The following ITGA8 variants were observed in gnomAD, a reference collection of about 807,000 sequenced individuals.
ITGA8 encodes integrin subunit alpha 8.
A neutral mutation model predicts 142.3 loss-of-function variants in ITGA8; 91 were observed. The ratio of observed to expected loss-of-function variants is 0.64; its 90% CI spans 0.54 to 0.76. The LOEUF is 0.76. ITGA8 is among the 30% of genes least tolerant of loss of function. The pLI, the probability that ITGA8 is intolerant of heterozygous loss-of-function variation, is 0.00. For synonymous variants in ITGA8, 505 were observed against 485.2 expected, an observed-to-expected ratio of 1.04 and a Z score of -0.54; for missense variants, 1,406 against 1,327.7, an observed-to-expected ratio of 1.06 and a Z score of -0.92.
At chr10:15,564,250 A>AAAAAT (rs1263561382) in intron 25 of ITGA8, among the ~76,000 whole-genome samples, 1 of 152,230 alleles carries the variant, frequency 6.6e-6, no homozygotes, top group Non-Finnish European at 1.5e-5. Context: ...GAAATTATTT[A>AAAAAT]AAAACAAAAC....
intron 25 of ITGA8, among the ~76,000 whole-genome samples, chr10:15,567,165 A>AG (rs1452050382): frequency 1.3e-4 from 19 of 150,070 alleles, no homozygotes; most frequent in Non-Finnish European, 2.1e-4. Flanking sequence ...AAAAAAAAAA[A>AG]GAAGAAAAAA....
chr10:15,603,816 A>G (rs1833145770), intron 20 of ITGA8, among the ~76,000 whole-genome samples: 1 of 152,160 alleles, frequency 6.6e-6, no homozygotes, highest in Admixed American at 6.5e-5. Flanking sequence ...TCCCTAACCA[A>G]TAACGAAAAC....
intron 4 of ITGA8, among the ~76,000 whole-genome samples, 155 bp from the exon 5 acceptor site, chr10:15,678,938 T>A (rs565567793): frequency 4.3e-4 from 65 of 152,370 alleles, no homozygotes; most frequent in African/African-American, 1.5e-3. Flanking sequence ...GTTGTTCAAG[T>A]AATTTATTAA....
At chr10:15,588,416 G>A (rs1832869168) in intron 22 of ITGA8, among the ~76,000 whole-genome samples, 2 of 152,168 alleles carry the variant, frequency 1.3e-5, no homozygotes. Flanking sequence ...CAGTTTCCAG[G>A]CCATTTTATT....
At position 15,573,140 on chromosome 10, in the gene ITGA8, A is replaced by G. The variant is rs1834217974; in HGVS notation, c.2479-771T>C. On this transcript the variant is annotated intron_variant, in intron 24 of 29. Coordinates refer to ENST00000378076, the MANE Select transcript of ITGA8 (RefSeq NM_003638.3). ...AAACAATGGATAATTGCTTTTGCTT[A>G]TTAGATGGCCTATTTAATTCACCTT... is the stretch of plus-strand genomic sequence containing the variant. Among the ~76,000 whole-genome samples the G allele has an allele frequency of 2.0e-5, 3 of 152,250 alleles. No homozygotes were observed. In the South Asian group the frequency reaches 6.2e-4, roughly 32 times the overall value.
chr10:15,641,612 TACCAA>T (rs1833873267), intron 13 of ITGA8, among the ~76,000 whole-genome samples: 1 of 152,130 alleles, frequency 6.6e-6, no homozygotes, highest in South Asian at 2.1e-4. Context: ...AACCCAGGTC[TACCAA>T]GATGCATGGA....
intron 8 of ITGA8, among the ~76,000 whole-genome samples, chr10:15,663,291 A>G (rs1195696013): frequency 6.6e-6 from 1 of 152,132 alleles, no homozygotes; most frequent in Non-Finnish European, 1.5e-5. Context: ...ATCCATTTTC[A>G]GATATTTTAT....
intron 27 of ITGA8, among the ~76,000 whole-genome samples, chr10:15,545,468 A>G (rs1311574899): frequency 6.6e-6 from 1 of 151,068 alleles, no homozygotes; most frequent in Non-Finnish European, 1.5e-5. Context: ...TGCTGAGTAA[A>G]CATAAATCAT....
Position 15,587,205 on chromosome 10 carries a change from G to A in ITGA8, c.2292-541C>T, listed in dbSNP as rs9333177. Among the ~76,000 whole-genome samples the A allele has an allele frequency of 6.5e-3, 992 of 152,286 alleles. 5 individuals are homozygous for A. The highest frequency in any genetic ancestry group is 0.021 in the African/African-American group (892 of 41,556). ...CAAAGTGCTGGGATTACAGGCGTGA[G>A]CCACCCCGCCCAGCCAAAACTAACA... On this transcript the variant is annotated intron_variant, in intron 22 of 29. Coordinates refer to ENST00000378076, the MANE Select transcript of ITGA8 (RefSeq NM_003638.3).
chr10:15,657,537 A>G (rs1834209418), intron 10 of ITGA8, among the ~76,000 whole-genome samples: 1 of 101,558 alleles, frequency 9.8e-6, no homozygotes, highest in South Asian at 3.5e-4. Flanking sequence ...TTTTTAACAG[A>G]GACAGTGGTC....
At chr10:15,539,039 T>C (rs1370657003) in intron 27 of ITGA8, among the ~76,000 whole-genome samples, 1 of 151,224 alleles carries the variant, frequency 6.6e-6, no homozygotes, top group Non-Finnish European at 1.5e-5. Flanking sequence ...CAAAGATCTA[T>C]GTGTAGCATT....
chr10:15,523,756 C>CAA (rs11388685), intron 28 of ITGA8, among the ~76,000 whole-genome samples: 5,528 of 117,012 alleles, frequency 0.047, 364 homozygotes, highest in African/African-American at 0.15. Flanking sequence ...CTAAAAATAC[C>CAA]AAAAAAAAAA....
chr10:15,706,402 T>C (rs1419932821), intron 2 of ITGA8, among the ~76,000 whole-genome samples: 1 of 152,128 alleles, frequency 6.6e-6, no homozygotes, highest in Non-Finnish European at 1.5e-5. Flanking sequence ...GCTTGCTTGC[T>C]TCTGCTCTTC....
At chr10:15,606,128 C>T (rs186407196) in intron 18 of ITGA8, among the ~76,000 whole-genome samples, 157 bp downstream of exon 18, 1 of 152,244 alleles carries the variant, frequency 6.6e-6, no homozygotes, top group East Asian at 1.9e-4. Context: ...CACAATCATG[C>T]AGTGTTTCAG....
chr10:15,606,784 G>A (rs1362311517), intron 17 of ITGA8, among the ~76,000 whole-genome samples: 4 of 152,224 alleles, frequency 2.6e-5, no homozygotes, highest in Admixed American at 1.3e-4. Flanking sequence ...TTTTATTTTC[G>A]TGAGGTTGCC....
intron 15 of ITGA8, among the ~76,000 whole-genome samples, chr10:15,610,722 G>A (rs764559284): frequency 8.5e-5 from 13 of 152,092 alleles, no homozygotes; most frequent in South Asian, 2.1e-4. Flanking sequence ...TGTGAAACAC[G>A]ATTTAAAAGT....
chr10:15,578,551 T>C (rs1401989491), intron 23 of ITGA8, among the ~76,000 whole-genome samples: 2 of 152,156 alleles, frequency 1.3e-5, no homozygotes, highest in Non-Finnish European at 2.9e-5. Flanking sequence ...AGTTGAAGTA[T>C]ATACGCAATC....
At chr10:15,601,112 G>C (rs189190862) in intron 20 of ITGA8, among the ~76,000 whole-genome samples, 154 of 152,064 alleles carry the variant, frequency 1.0e-3, no homozygotes, top group African/African-American at 3.6e-3. Flanking sequence ...GGTGGTGGGC[G>C]CCTGTAATCC....
Position 15,582,860 on chromosome 10 carries a change from A to T in ITGA8, c.2372+3724T>A, listed in dbSNP as rs77685152. ...ATGGAAACAGTATAGCCTTTCTGGA[A>T]AACAGTTGCACAGTTTCTTATAAAC... On this transcript the variant is annotated intron_variant, in intron 23 of 29. Coordinates refer to ENST00000378076, the MANE Select transcript of ITGA8 (RefSeq NM_003638.3). Among the ~76,000 whole-genome samples, 141 of 152,386 alleles carry T rather than the reference A, an allele frequency of 9.3e-4. 2 individuals are homozygous for T. The East Asian group carries it at 0.021, about 22-fold the overall frequency.
Sources: allele counts gnomAD v4.1 joint callset (sites outside exome capture counted in the v4.1 genomes callset), GRCh38; gene constraint gnomAD v4.1.1; transcripts MANE v1.5; gene names NCBI Gene and HGNC (gene_info 2026-07-23, HGNC 2026-07-21).